The following TNNI3K variants were observed in gnomAD, a reference collection of about 807,000 sequenced individuals.
TNNI3K encodes TNNI3 interacting kinase.
Under a neutral mutation model 114.5 loss-of-function variants are expected in TNNI3K, and 140 were observed. The observed-to-expected ratio is 1.22, with a 90% confidence interval of 1.07 to 1.41. TNNI3K has a LOEUF of 1.41. Ranked by LOEUF, TNNI3K falls within the 40% of genes most tolerant of loss-of-function variation. TNNI3K has a pLI of 0.00. For synonymous variants in TNNI3K, 347 were observed against 347.5 expected (o/e 1.00, Z 0.02); for missense variants, 1,125 against 1,007.6 (o/e 1.12, Z -1.58).
chr1:74,441,575 G>A (rs549838749), intron 20 of TNNI3K, among the ~76,000 whole-genome samples: 1 of 152,116 alleles, frequency 6.6e-6, no homozygotes, highest in South Asian at 2.1e-4. Flanking sequence ...TTTTTCCAAG[G>A]TGTCTGTACC....
intron 11 of TNNI3K, among the ~76,000 whole-genome samples, chr1:74,366,160 C>G (rs1243853145): frequency 2.0e-5 from 3 of 151,948 alleles, no homozygotes; most frequent in Admixed American, 6.6e-5. Context: ...AACTACAGAT[C>G]CTTTGTGATG....
chr1:74,432,228 C>A (rs1021306078), intron 17 of TNNI3K, among the ~76,000 whole-genome samples: 1 of 152,142 alleles, frequency 6.6e-6, no homozygotes, highest in Non-Finnish European at 1.5e-5. Flanking sequence ...CAAATCAAAT[C>A]AAATTTTGCT....
chr1:74,469,630 T>C (rs1406881332), intron 21 of TNNI3K: 1 of 336,908 alleles, frequency 3.0e-6, no homozygotes, highest in East Asian at 4.4e-5. Flanking sequence ...AAAACTTTTC[T>C]TACTTGTTTT....
Position 74,436,125 on chromosome 1 carries a change from T to A in TNNI3K, c.1818T>A (p.Asp606Glu). 1.2e-6 allele frequency: 2 copies of A among 1,611,754 alleles called. No individual in the cohort carries two copies. Among genetic ancestry groups the A allele is most frequent in the Non-Finnish European group, 1.7e-6 (2 of 1,178,942 alleles). The change falls in exon 18 of 25, where the codon GAT becomes GAA. Residue 606 changes from aspartate (D) to glutamate (E), a missense_variant. Asp to Glu is a conservative substitution (Grantham distance 45). Transcript: ENST00000326637. ...LYEDGHAVVA[D>E]FGESRFLQSL... ...AGGATGGGCATGCTGTGGTGGCAGA[T>A]TTTGGAGGTGAGATACCCCAAAATG... is the stretch of plus-strand genomic sequence containing the variant.
chr1:74,527,038 T>G (rs1402711136), intron 23 of TNNI3K, among the ~76,000 whole-genome samples: 2 of 152,254 alleles, frequency 1.3e-5, no homozygotes, highest in African/African-American at 2.4e-5. Context: ...TGCTGATCCC[T>G]GCCTGCTCTA....
At chr1:74,305,544 T>C (rs1424452860) in intron 5 of TNNI3K, among the ~76,000 whole-genome samples, 1 of 152,192 alleles carries the variant, frequency 6.6e-6, no homozygotes, top group Non-Finnish European at 1.5e-5. Flanking sequence ...CGTTGGTCTC[T>C]TTCTGCCAAG....
chr1:74,420,173 G>A (rs148287803), intron 17 of TNNI3K, among the ~76,000 whole-genome samples: 7 of 152,162 alleles, frequency 4.6e-5, no homozygotes, highest in Non-Finnish European at 7.4e-5. Context: ...AGAAATCTGC[G>A]TAGTAAAAGC....
chr1:74,274,745 A>G (rs1460678880), intron 5 of TNNI3K, among the ~76,000 whole-genome samples: 1 of 152,004 alleles, frequency 6.6e-6, no homozygotes, highest in Non-Finnish European at 1.5e-5. Flanking sequence ...ATGAGTGGCA[A>G]ATATCATAAT....
chr1:74,391,967 T>A (rs943973536), intron 17 of TNNI3K, among the ~76,000 whole-genome samples: 2,753 of 130,812 alleles, frequency 0.021, 93 homozygotes, highest in African/African-American at 0.049. Flanking sequence ...ATTTTTTTTT[T>A]TTTTTTTTTT....
At chr1:74,454,125 T>C (rs529086181) in intron 20 of TNNI3K, among the ~76,000 whole-genome samples, 1 of 152,204 alleles carries the variant, frequency 6.6e-6, no homozygotes, top group Non-Finnish European at 1.5e-5. Flanking sequence ...ATGGGGTACA[T>C]GTGATGTTTT....
intron 4 of TNNI3K, among the ~76,000 whole-genome samples, chr1:74,265,725 A>C (rs989079487): frequency 6.6e-6 from 1 of 152,094 alleles, no homozygotes; most frequent in Admixed American, 6.6e-5. Flanking sequence ...CAACAATGCT[A>C]TGAGAATGAT....
intron 2 of TNNI3K, among the ~76,000 whole-genome samples, chr1:74,246,926 G>T (rs185764180): frequency 2.0e-5 from 3 of 152,256 alleles, no homozygotes; most frequent in Admixed American, 1.3e-4. Context: ...TCATGACTCT[G>T]CCTTTTAAGT....
chr1:74,312,273 CCAAAGAGGG>C, intron 5 of TNNI3K, among the ~76,000 whole-genome samples: 1 of 152,260 alleles, frequency 6.6e-6, no homozygotes, highest in South Asian at 2.1e-4. Context: ...CAGTCACCTG[CCAAAGAGGG>C]CAGTGCCTGG....
intron 4 of TNNI3K, among the ~76,000 whole-genome samples, chr1:74,258,430 T>G (rs1263613544): frequency 6.6e-6 from 1 of 152,224 alleles, no homozygotes; most frequent in East Asian, 1.9e-4. Flanking sequence ...TGGGATATTG[T>G]GTGACTTGCT....
At chr1:74,449,826 G>A (rs1423142729) in intron 20 of TNNI3K, among the ~76,000 whole-genome samples, 1 of 150,464 alleles carries the variant, frequency 6.6e-6, no homozygotes, top group Non-Finnish European at 1.5e-5. Flanking sequence ...ACACCCCACT[G>A]TCAACATTAG....
chr1:74,464,116 G>A (rs1667566501), intron 21 of TNNI3K, among the ~76,000 whole-genome samples: 1 of 152,188 alleles, frequency 6.6e-6, no homozygotes, highest in African/African-American at 2.4e-5. Flanking sequence ...ACGGTCATAG[G>A]TCTAAAAGAA....
chr1:74,310,739 A>G (rs1056647787), intron 5 of TNNI3K, among the ~76,000 whole-genome samples: 2 of 152,176 alleles, frequency 1.3e-5, no homozygotes, highest in Non-Finnish European at 2.9e-5. Flanking sequence ...TGTTGATTAA[A>G]CAACACTTGT....
chr1:74,436,696 A>C (rs1666147053), intron 19 of TNNI3K, among the ~76,000 whole-genome samples, 170 bp downstream of exon 19: 1 of 152,070 alleles, frequency 6.6e-6, no homozygotes, highest in Non-Finnish European at 1.5e-5. Flanking sequence ...TAACTATCTC[A>C]AGGCTCTACT....
At chr1:74,250,847 T>C (rs1321730188) in intron 4 of TNNI3K, 78 bp downstream of exon 4, 10 of 1,257,478 alleles carry the variant, frequency 8.0e-6, no homozygotes, top group Non-Finnish European at 1.1e-5. Context: ...TTTTTTTTTT[T>C]CAAATTAGTA....
Sources: allele counts gnomAD v4.1 joint callset (sites outside exome capture counted in the v4.1 genomes callset), GRCh38; gene constraint gnomAD v4.1.1; transcripts MANE v1.5; gene names NCBI Gene and HGNC (gene_info 2026-07-23, HGNC 2026-07-21).